CCNJL: variants seen among roughly 807,000 people sequenced by gnomAD.
CCNJL encodes the protein cyclin J like.
A neutral mutation model predicts 33.4 loss-of-function variants in CCNJL; 33 were observed. The observed-to-expected ratio is 0.99, with a 90% CI of 0.75 to 1.32. The LOEUF (loss-of-function observed/expected upper bound fraction) is 1.32, where lower values mean the gene tolerates loss of function less well. Among genes scored for constraint, CCNJL ranks in the 40% most tolerant of loss-of-function variants. CCNJL has a pLI of 0.00. For synonymous variants in CCNJL, 227 were observed against 220.9 expected, an observed-to-expected ratio of 1.03 and a Z score of -0.24; for missense variants, 512 against 499.7, an observed-to-expected ratio of 1.02 and a Z score of -0.23.
chr5:160,255,355 T>C (rs565695831), intron 5 of CCNJL, 194 bp downstream of exon 5: 2 of 517,724 alleles, frequency 3.9e-6, no homozygotes, highest in Non-Finnish European at 7.0e-6. Flanking sequence ...CTGAAGCTAT[T>C]CAAAATAGGA....
intron 3 of CCNJL, among the ~76,000 whole-genome samples, chr5:160,274,458 C>CAA (rs557773717): frequency 9.2e-5 from 13 of 141,572 alleles, no homozygotes; most frequent in African/African-American, 3.4e-4. Context: ...GACCTCGTCT[C>CAA]AAAAAAAAAA....
chr5:160,299,609 T>C (rs1012551388), intron 2 of CCNJL, among the ~76,000 whole-genome samples: 1 of 134,936 alleles, frequency 7.4e-6, no homozygotes, highest in African/African-American at 2.9e-5. Flanking sequence ...ATAGTTGTTA[T>C]GTTAAAAAAA....
In CCNJL at chr5:160,329,524, T is replaced by C. The variant is rs375947879; in HGVS notation, n.206+9921A>G. Among the ~76,000 whole-genome samples the C allele has an allele frequency of 2.0e-4, 30 of 152,154 alleles. No individual in the cohort carries two copies. The East Asian group carries it at 5.8e-3, about 29-fold the overall frequency. ...CACCACCACGCCGGCTAATTTTTTG[T>C]ATTTTTAGTAGAGATGGGGTTTCAC... On this transcript the variant is annotated intron_variant and non_coding_transcript_variant, in intron 1 of 7. Coordinates refer to the CCNJL transcript ENST00000377503.
rs1466218759 is a variant in CCNJL, at chr5:160,250,031, G to C, written c.*3347C>G. 6.6e-6 allele frequency: 1 copy of C among 152,040 alleles called. No individual in the cohort carries two copies. Among genetic ancestry groups the C allele is most frequent in the African/African-American group, 2.4e-5 (1 of 41,400 alleles). 9.4% of individuals were successfully genotyped at this position (152,040 alleles called of 1,614,324 possible). On this transcript the variant is annotated 3_prime_UTR_variant, in exon 6 of 6. Transcript: ENST00000257536. ...ATGCCAGCCCTGGGAGGAACTTTAAGACTATCTTTGTGCTTTTTAAAGCTT... is the reference window on the plus strand; with the variant it reads ...ATGCCAGCCCTGGGAGGAACTTTAACACTATCTTTGTGCTTTTTAAAGCTT...
At chr5:160,300,913 C>T (rs774204379) in intron 2 of CCNJL, among the ~76,000 whole-genome samples, 2 of 152,150 alleles carry the variant, frequency 1.3e-5, no homozygotes. Flanking sequence ...CCAGGGTTAG[C>T]AAAGTTGCTG....
At chr5:160,287,604 C>T (rs1204708755) in intron 2 of CCNJL, among the ~76,000 whole-genome samples, 1 of 152,242 alleles carries the variant, frequency 6.6e-6, no homozygotes, top group Non-Finnish European at 1.5e-5. Flanking sequence ...CTGCATTCCT[C>T]CCCAGGCACT....
intron 1 of CCNJL, among the ~76,000 whole-genome samples, chr5:160,318,363 C>T (rs1763402883): frequency 1.3e-5 from 2 of 152,212 alleles, no homozygotes; most frequent in African/African-American, 4.8e-5. Flanking sequence ...AGGGCCCACC[C>T]TACTCAATAT....
chr5:160,295,656 A>C (rs762486425), intron 2 of CCNJL, among the ~76,000 whole-genome samples: 3 of 152,178 alleles, frequency 2.0e-5, no homozygotes, highest in Non-Finnish European at 2.9e-5. Flanking sequence ...AAGGAGGAGA[A>C]GGCCTTGTGA....
At chr5:160,283,290 T>G (rs914306732) in intron 2 of CCNJL, among the ~76,000 whole-genome samples, 1 of 152,014 alleles carries the variant, frequency 6.6e-6, no homozygotes, top group Admixed American at 6.6e-5. Context: ...ATGTCCAGAA[T>G]AGGCAAATCC....
intron 3 of CCNJL, among the ~76,000 whole-genome samples, chr5:160,260,428 C>T (rs969324628): frequency 2.0e-5 from 3 of 152,130 alleles, no homozygotes; most frequent in African/African-American, 7.2e-5. Context: ...AAGCGAGTCA[C>T]CACTGTGGAC....
At chr5:160,254,218 A>T (rs1035039153) in intron 5 of CCNJL, 13 of 525,808 alleles carry the variant, frequency 2.5e-5, no homozygotes, top group South Asian at 8.7e-5. Flanking sequence ...GAATGAGCCC[A>T]ATCTCTGCTT....
Position 160,253,728 on chromosome 5 carries a change from G to A in CCNJL, c.814C>T (p.Pro272Ser). The change falls in exon 6 of 6, where the codon CCC becomes TCC. Residue 272 changes from proline (P) to serine (S), a missense_variant. Coordinates refer to ENST00000257536, the MANE Select transcript of CCNJL (RefSeq NM_001308173.3). ...AACAGCACTTGAGTGGGGGTGGGGG[G>A]TGTGCCGGGCACCATTGCCAAGGCC... ...SQALAMVPGT[P>S]PTPTQVLFQP... The A allele has an allele frequency of 6.3e-7, 1 of 1,579,620 alleles. No individual in the cohort carries two copies. The highest frequency in any genetic ancestry group is 1.3e-5 in the African/African-American group (1 of 74,518).
intron 2 of CCNJL, among the ~76,000 whole-genome samples, chr5:160,289,383 C>A (rs931525961): frequency 1.3e-5 from 2 of 152,122 alleles, no homozygotes; most frequent in African/African-American, 4.8e-5. Flanking sequence ...TTTGAGGAAT[C>A]TTCCCTCTGC....
intron 1 of CCNJL, among the ~76,000 whole-genome samples, chr5:160,332,647 C>T (rs575114173): frequency 1.1e-4 from 16 of 152,282 alleles, no homozygotes; most frequent in African/African-American, 2.2e-4. Flanking sequence ...CCACACTTGC[C>T]GTTCTTCCCA....
chr5:160,280,564 G>A lies in CCNJL; in HGVS notation c.241C>T (p.Gln81Ter). 6.2e-7 allele frequency: 1 copy of A among 1,612,048 alleles called. No individual in the cohort carries two copies. Among genetic ancestry groups the A allele is most frequent in the Non-Finnish European group, 8.5e-7 (1 of 1,179,530 alleles). The change falls in exon 3 of 6, where the codon CAG (glutamine) becomes TAG (stop). Residue 81 changes from glutamine (Q) to a stop codon, truncating the protein, a stop_gained. Coordinates refer to ENST00000257536, the MANE Select transcript of CCNJL (RefSeq NM_001308173.3). LOFTEE classifies it high-confidence loss of function. ...CAGGAGACGGCCACGGTGTAGAGCTGCTTGGAGGTGGTGACGTTGTAGCGA... is the reference window on the plus strand; with the variant it reads ...CAGGAGACGGCCACGGTGTAGAGCTACTTGGAGGTGGTGACGTTGTAGCGA... ...MDRYNVTTSK[Q>*]LYTVAVSCLL...
intron 2 of CCNJL, among the ~76,000 whole-genome samples, chr5:160,309,949 C>G (rs1389242554): frequency 6.6e-6 from 1 of 152,202 alleles, no homozygotes; most frequent in Non-Finnish European, 1.5e-5. Context: ...ATGGCTATAG[C>G]AGTTCATGGA....
chr5:160,301,793 G>C (rs1009596475), intron 2 of CCNJL, among the ~76,000 whole-genome samples: 8 of 146,204 alleles, frequency 5.5e-5, no homozygotes, highest in South Asian at 2.2e-4. Flanking sequence ...GCAGTGGCAT[G>C]ATCTTGGGTC....
At chr5:160,306,235 C>G (rs1285447311) in intron 2 of CCNJL, among the ~76,000 whole-genome samples, 2 of 142,228 alleles carry the variant, frequency 1.4e-5, no homozygotes, top group Admixed American at 7.4e-5. Context: ...CATGCCACTG[C>G]TCTCCAGCTT....
chr5:160,299,543 T>C lies in CCNJL; in HGVS notation c.66+12315A>G, dbSNP rs536382586. Among the ~76,000 whole-genome samples the C allele has an allele frequency of 3.8e-4, 58 of 151,710 alleles. No individual in the cohort carries two copies. The South Asian group carries it at 5.0e-3, about 13-fold the overall frequency. ...AACCATTTCTGAGACAACAGAGGAA[T>C]GGACAACAGAAGATATTAATGAATT... On this transcript the variant is annotated intron_variant, in intron 2 of 5. Transcript: ENST00000257536.
Sources: allele counts gnomAD v4.1 joint callset (sites outside exome capture counted in the v4.1 genomes callset), GRCh38; gene constraint gnomAD v4.1.1; transcripts MANE v1.5; gene names NCBI Gene and HGNC (gene_info 2026-07-23, HGNC 2026-07-21).